DSE: variants seen among roughly 807,000 people sequenced by gnomAD.
The protein encoded by DSE is dermatan-sulfate epimerase.
A neutral mutation model predicts 84.4 loss-of-function variants in DSE; 36 were observed. The observed-to-expected ratio is 0.43, with a 90% CI of 0.33 to 0.56. The LOEUF is 0.56. Among genes scored for constraint, DSE ranks in the 20% least tolerant of loss-of-function variants. The probability of loss-of-function intolerance (pLI) is 0.06; values close to 1 mark genes in which losing one functional copy is unlikely to be tolerated. For synonymous variants in DSE, 410 were observed against 430.1 expected, an observed-to-expected ratio of 0.95 and a Z score of 0.58; for missense variants, 862 against 1,169.6, an observed-to-expected ratio of 0.74 and a Z score of 3.84.
chr6:116,279,003 C>A (rs770030257), intron 2 of DSE: 13 of 1,613,934 alleles, frequency 8.1e-6, no homozygotes, highest in Non-Finnish European at 1.1e-5. Context: ...TCCAGAAGCC[C>A]GGGATATTCT....
chr6:116,414,502 T>C (rs1245241894), intron 2 of DSE, among the ~76,000 whole-genome samples: 4 of 152,086 alleles, frequency 2.6e-5, no homozygotes, highest in African/African-American at 4.8e-5. Flanking sequence ...AACCTCCACC[T>C]CCTGGGTTCA....
intron 2 of DSE, among the ~76,000 whole-genome samples, chr6:116,314,976 A>G (rs1775880528): frequency 6.6e-6 from 1 of 152,214 alleles, no homozygotes; most frequent in African/African-American, 2.4e-5. Context: ...GTCCAGAGGT[A>G]GGCTCTGAAC....
intron 2 of DSE, among the ~76,000 whole-genome samples, chr6:116,345,248 C>A (rs1777879077): frequency 6.6e-6 from 1 of 152,176 alleles, no homozygotes; most frequent in Non-Finnish European, 1.5e-5. Flanking sequence ...GAATTGAACT[C>A]AGCTCTGCAC....
At chr6:116,273,085 A>G (rs1177252651) in intron 2 of DSE, among the ~76,000 whole-genome samples, 1 of 152,240 alleles carries the variant, frequency 6.6e-6, no homozygotes, top group Non-Finnish European at 1.5e-5. Context: ...TAAGGAAACC[A>G]AGATTCAGAG....
intron 2 of DSE, among the ~76,000 whole-genome samples, chr6:116,266,004 G>C (rs571794382): frequency 4.6e-5 from 7 of 152,174 alleles, no homozygotes. Context: ...CAGAGGCCGC[G>C]TGAGAGTAGG....
intron 1 of DSE, among the ~76,000 whole-genome samples, chr6:116,381,615 G>A (rs1780228991): frequency 6.6e-6 from 1 of 152,100 alleles, no homozygotes; most frequent in African/African-American, 2.4e-5. Context: ...AATTATACAA[G>A]TAACTGCATT....
chr6:116,283,692 G>A (rs1018030183), intron 2 of DSE, among the ~76,000 whole-genome samples: 2 of 151,852 alleles, frequency 1.3e-5, no homozygotes, highest in East Asian at 3.9e-4. Context: ...TACAGACACT[G>A]GCCACCACAC....
chr6:116,290,083 C>T (rs368883556), intron 2 of DSE, among the ~76,000 whole-genome samples: 6 of 152,196 alleles, frequency 3.9e-5, no homozygotes, highest in Admixed American at 3.9e-4. Flanking sequence ...CCAGAGATAT[C>T]AGGTGACTTG....
At chr6:116,342,688 A>G (rs1313411293) in intron 2 of DSE, among the ~76,000 whole-genome samples, 3 of 152,232 alleles carry the variant, frequency 2.0e-5, no homozygotes, top group African/African-American at 4.8e-5. Context: ...TACATACAGG[A>G]GAGGTTCCAA....
rs1253186314 is a variant in DSE at position 116,399,475 on chromosome 6, G to T, written c.225G>T (p.Val75=). The T allele has an allele frequency of 1.9e-6, 3 of 1,614,102 alleles. No homozygotes were observed. In the African/African-American group the frequency reaches 4.0e-5, roughly 22 times the overall value. The stretch of plus-strand genomic sequence containing the variant: ...TTGCAGCCCGCCTCACGGAGGCTGT[G>T]CACACGATGCTGTCCAGCCCCTTGG... ...EHIAARLTEA[V]HTMLSSPLEY... The change falls in exon 2 of 6, where the codon GTG becomes GTT. Residue 75 remains valine, a synonymous_variant. Transcript: ENST00000644252.
intron 2 of DSE, among the ~76,000 whole-genome samples, chr6:116,401,433 C>T (rs1355295801): frequency 6.6e-6 from 1 of 152,002 alleles, no homozygotes; most frequent in Non-Finnish European, 1.5e-5. Context: ...CAATTTTTGA[C>T]TTAATAGAGC....
At chr6:116,267,261 CAGA>C (rs1380969636) in intron 2 of DSE, among the ~76,000 whole-genome samples, 1 of 151,982 alleles carries the variant, frequency 6.6e-6, no homozygotes, top group African/African-American at 2.4e-5. Flanking sequence ...GGTGGTATTC[CAGA>C]AGAAGGCATT....
intron 3 of DSE, among the ~76,000 whole-genome samples, chr6:116,428,411 G>A (rs1213961943): frequency 6.6e-6 from 1 of 152,110 alleles, no homozygotes; most frequent in Non-Finnish European, 1.5e-5. Context: ...ATTTATTTAA[G>A]GGAAGGAGTA....
At chr6:116,423,222 C>G (rs1461776185) in intron 2 of DSE, 1 of 151,960 alleles carries the variant, frequency 6.6e-6, no homozygotes, top group Non-Finnish European at 1.5e-5. Flanking sequence ...AGTGTGAGTT[C>G]AAAAAGAAAA....
chr6:116,319,661 C>T (rs1026543595), intron 2 of DSE, among the ~76,000 whole-genome samples: 1 of 152,200 alleles, frequency 6.6e-6, no homozygotes, highest in Non-Finnish European at 1.5e-5. Context: ...TAAAATCCTA[C>T]ACTGTAGTGC....
At chr6:116,399,785 G>A in intron 2 of DSE, 119 bp downstream of exon 2, 3 of 975,558 alleles carry the variant, frequency 3.1e-6, no homozygotes, top group Non-Finnish European at 4.5e-6. Flanking sequence ...GTGGGGGGAG[G>A]TGTTATTTGT....
chr6:116,288,358 T>G (rs1382017426), intron 2 of DSE: 1 of 152,156 alleles, frequency 6.6e-6, no homozygotes, highest in Non-Finnish European at 1.5e-5. Flanking sequence ...TAGACTATTG[T>G]GCAAGGTATA....
Position 116,392,720 on chromosome 6 carries a change from C to A in DSE, c.-53-6478C>A, listed in dbSNP as rs566857071. 5.3e-5 allele frequency among the ~76,000 whole-genome samples: 8 copies of A among 152,314 alleles called. No individual in the cohort carries two copies. The South Asian group carries it at 1.7e-3, about 32-fold the overall frequency. On this transcript the variant is annotated intron_variant, in intron 1 of 5. Transcript: ENST00000644252. ...GGTCAAGTTGCCCCAAGTTCAGGGC[C>A]TTTCCCATTGCCTTTGTTCTGATTC...
chr6:116,345,778 C>T (rs1436002682), intron 2 of DSE, among the ~76,000 whole-genome samples: 1 of 152,086 alleles, frequency 6.6e-6, no homozygotes, highest in African/African-American at 2.4e-5. Flanking sequence ...CAGAGCAGAA[C>T]TGAAGGAGAT....
Sources: allele counts gnomAD v4.1 joint callset (sites outside exome capture counted in the v4.1 genomes callset), GRCh38; gene constraint gnomAD v4.1.1; transcripts MANE v1.5; gene names NCBI Gene and HGNC (gene_info 2026-07-23, HGNC 2026-07-21).